The following NAV2 variants were observed in gnomAD, a reference collection of about 807,000 sequenced individuals.
The protein encoded by NAV2 is neuron navigator 2, also known as helicase, APC down-regulated 1.
NAV2 carries 54 observed loss-of-function variants against 223.2 expected under a neutral mutation model. That is an observed-to-expected ratio of 0.24 (90% confidence interval 0.19 to 0.30). NAV2 has a LOEUF of 0.30. Among genes scored for constraint, NAV2 ranks in the 10% least tolerant of loss-of-function variants. The pLI, the probability that NAV2 is intolerant of heterozygous loss-of-function variation, is 1.00. For missense variants in NAV2, 2,806 were observed against 3,147.5 expected, an observed-to-expected ratio of 0.89 and a Z score of 2.60; for synonymous variants, 1,279 against 1,239.3, an observed-to-expected ratio of 1.03 and a Z score of -0.67.
At chr11:19,939,132 G>A (rs148073674) in intron 7 of NAV2, among the ~76,000 whole-genome samples, 305 of 152,312 alleles carry the variant, frequency 2.0e-3, no homozygotes, top group African/African-American at 7.0e-3. Context: ...CATGTCAGAA[G>A]AACTAAGCTC....
chr11:19,691,680 G>A (rs934701097), intron 1 of NAV2, among the ~76,000 whole-genome samples: 2 of 152,062 alleles, frequency 1.3e-5, no homozygotes, highest in East Asian at 3.9e-4. Context: ...CCATTCTCCC[G>A]CCTCTTGGTT....
chr11:19,733,884 G>T (rs1232358355), intron 1 of NAV2, among the ~76,000 whole-genome samples: 1 of 152,126 alleles, frequency 6.6e-6, no homozygotes, highest in Non-Finnish European at 1.5e-5. Flanking sequence ...GATGGTGATG[G>T]TTAACGTGTA....
chr11:19,919,762 C>T (rs1247287004), intron 6 of NAV2, among the ~76,000 whole-genome samples: 1 of 152,210 alleles, frequency 6.6e-6, no homozygotes, highest in African/African-American at 2.4e-5. Flanking sequence ...TGTGCTTTCA[C>T]ATCATTGCCC....
chr11:19,817,785 C>G (rs886947659), intron 1 of NAV2, among the ~76,000 whole-genome samples: 2 of 152,222 alleles, frequency 1.3e-5, no homozygotes, highest in African/African-American at 4.8e-5. Flanking sequence ...TGGGGAGTAA[C>G]TGAACCTTGG....
intron 1 of NAV2, among the ~76,000 whole-genome samples, chr11:19,486,520 T>G (rs11025152): frequency 0.42 from 64,511 of 151,862 alleles, 13,982 homozygotes; most frequent in Middle Eastern, 0.54. Context: ...GTAAGTAAGT[T>G]CTCACGAGAA....
At chr11:19,821,327 A>G (rs914267054) in intron 1 of NAV2, among the ~76,000 whole-genome samples, 1 of 151,158 alleles carries the variant, frequency 6.6e-6, no homozygotes, top group Non-Finnish European at 1.5e-5. Flanking sequence ...TGAGGTGTGG[A>G]TGAAGCAGGC....
chr11:20,095,999 G>A (rs2061240261), intron 30 of NAV2, among the ~76,000 whole-genome samples: 1 of 152,188 alleles, frequency 6.6e-6, no homozygotes, highest in African/African-American at 2.4e-5. Flanking sequence ...GCAGTGGTGG[G>A]CCAGCTAGTG....
chr11:19,786,766 T>G (rs2057146781), intron 1 of NAV2, among the ~76,000 whole-genome samples: 1 of 152,184 alleles, frequency 6.6e-6, no homozygotes, highest in Non-Finnish European at 1.5e-5. Context: ...ACTGTCCAGT[T>G]TACAACATAA....
At chr11:20,113,406 T>C (rs1323544526) in intron 36 of NAV2, among the ~76,000 whole-genome samples, 1 of 152,234 alleles carries the variant, frequency 6.6e-6, no homozygotes, top group Non-Finnish European at 1.5e-5. Flanking sequence ...CTTCAAAGAA[T>C]GTATGTATTT....
intron 1 of NAV2, among the ~76,000 whole-genome samples, chr11:19,673,782 A>T (rs1217251623): frequency 6.6e-6 from 1 of 152,178 alleles, no homozygotes; most frequent in Non-Finnish European, 1.5e-5. Flanking sequence ...ATCTAGGCAC[A>T]GTAGTGAATG....
chr11:19,399,520 G>C (rs2729906), intron 1 of NAV2, among the ~76,000 whole-genome samples: 118,323 of 152,176 alleles, frequency 0.78, 46,182 homozygotes, highest in East Asian at 0.86. Flanking sequence ...AGAAACTGGA[G>C]AAGGATCCTG....
intron 37 of NAV2, among the ~76,000 whole-genome samples, chr11:20,115,254 T>C (rs995803875): frequency 2.0e-5 from 3 of 152,102 alleles, no homozygotes; most frequent in African/African-American, 7.2e-5. Flanking sequence ...GGCCTGAATA[T>C]GAGTCCCATG....
At chr11:19,456,748 G>C (rs570795039) in intron 1 of NAV2, among the ~76,000 whole-genome samples, 1 of 152,326 alleles carries the variant, frequency 6.6e-6, no homozygotes, top group Admixed American at 6.5e-5. Flanking sequence ...CAGGTCGTCT[G>C]ACCCCAGAGC....
chr11:19,397,228 T>TA (rs1849487154), intron 1 of NAV2, among the ~76,000 whole-genome samples: 1 of 152,160 alleles, frequency 6.6e-6, no homozygotes, highest in Non-Finnish European at 1.5e-5. Context: ...GGGCTATGGG[T>TA]AGGCATTTTC....
At chr11:19,894,641 G>A (rs890490009) in intron 6 of NAV2, among the ~76,000 whole-genome samples, 6 of 152,170 alleles carry the variant, frequency 3.9e-5, no homozygotes, top group Non-Finnish European at 8.8e-5. Context: ...TGAGAACAAC[G>A]AGGCCCCTTA....
chr11:20,075,575 G>C (rs7125867), intron 22 of NAV2, among the ~76,000 whole-genome samples: 50,198 of 151,804 alleles, frequency 0.33, 9,381 homozygotes, highest in African/African-American at 0.5. Flanking sequence ...GGAGTGCAAT[G>C]AGAGAGAAGC....
chr11:19,738,185 C>A (rs1016179896), intron 1 of NAV2, among the ~76,000 whole-genome samples: 1 of 152,222 alleles, frequency 6.6e-6, no homozygotes, highest in African/African-American at 2.4e-5. Context: ...CCTCCAGAAC[C>A]ATCTGCTCTG....
At chr11:19,445,422 C>G (rs1373990412) in intron 1 of NAV2, among the ~76,000 whole-genome samples, 1 of 152,164 alleles carries the variant, frequency 6.6e-6, no homozygotes, top group African/African-American at 2.4e-5. Context: ...GGACTAGGCA[C>G]TTTATTCATG....
chr11:19,955,616 G>A lies in NAV2; in HGVS notation c.2645+6536G>A, dbSNP rs35535813. Among the ~76,000 whole-genome samples the A allele has an allele frequency of 4.6e-4, 70 of 152,340 alleles. No individual in the cohort carries two copies. The East Asian group carries it at 0.012, about 26-fold the overall frequency. The stretch of plus-strand genomic sequence containing the variant: ...GAGAACTAGGGGCATTTGCCATGTG[G>A]ACTGATGGAAGATAGACATGCCCCT... On this transcript the variant is annotated intron_variant, in intron 10 of 37. Transcript: ENST00000349880.
Sources: gnomAD v4.1 joint callset for allele counts (sites outside exome capture counted in the v4.1 genomes callset) on GRCh38, gnomAD v4.1.1 for gene constraint, MANE v1.5 for transcripts, NCBI Gene and HGNC (gene_info 2026-07-23, HGNC 2026-07-21) for gene names.